TRIM44: variants seen among roughly 807,000 people sequenced by gnomAD.
TRIM44 encodes tripartite motif-containing protein 44.
In TRIM44, 13 loss-of-function variants were observed where a neutral mutation model predicts 37.4. The observed-to-expected ratio is 0.35, with a 90% CI of 0.23 to 0.55. The LOEUF is 0.55. Ranked by LOEUF, TRIM44 falls within the 20% of genes least tolerant of loss-of-function variation. TRIM44 has a pLI of 0.89. For missense variants in TRIM44, 426 were observed against 437.2 expected (o/e 0.97, Z 0.23); for synonymous variants, 175 against 157.2 (o/e 1.11, Z -0.85).
At chr11:35,782,742 A>T (rs1399907654) in intron 4 of TRIM44, among the ~76,000 whole-genome samples, 1 of 152,188 alleles carries the variant, frequency 6.6e-6, no homozygotes, top group East Asian at 1.9e-4. Flanking sequence ...TCATATGCTC[A>T]AGTAAAGCTA....
Position 35,754,509 on chromosome 11 carries a change from AT to A in TRIM44, c.1007+19072del, listed in dbSNP as rs201092474. On this transcript the variant is annotated intron_variant, in intron 4 of 4. Coordinates refer to ENST00000299413, the MANE Select transcript of TRIM44 (RefSeq NM_017583.6). ...CCTTCAATCTTTATAGTTTATTTTT[AT>A]TTTTTTTATTATACTTTAAGTTTTA... Among the ~76,000 whole-genome samples, 507 of 151,442 alleles carry A rather than the reference AT, an allele frequency of 3.3e-3. 4 individuals are homozygous for A. Among genetic ancestry groups the A allele is most frequent in the African/African-American group, 0.01 (426 of 41,206 alleles).
intron 4 of TRIM44, among the ~76,000 whole-genome samples, chr11:35,769,149 A>T (rs936886538): frequency 6.6e-6 from 1 of 152,066 alleles, no homozygotes; most frequent in African/African-American, 2.4e-5. Context: ...ATTGATGTAT[A>T]TTACCTGTCA....
intron 2 of TRIM44, among the ~76,000 whole-genome samples, chr11:35,699,267 C>T (rs1216127072): frequency 6.6e-6 from 1 of 152,048 alleles, no homozygotes; most frequent in African/African-American, 2.4e-5. Context: ...TGGCAATGGG[C>T]TTCATCCCTG....
At chr11:35,761,082 A>G (rs1001512190) in intron 4 of TRIM44, among the ~76,000 whole-genome samples, 3 of 152,198 alleles carry the variant, frequency 2.0e-5, no homozygotes, top group Admixed American at 2.0e-4. Flanking sequence ...CACTTAATAT[A>G]ATGTCCTTCA....
chr11:35,816,135 C>A lies in TRIM44; in HGVS notation c.*9750C>A, dbSNP rs1005755008. On this transcript the variant is annotated 3_prime_UTR_variant, in exon 5 of 5. Coordinates refer to ENST00000299413, the MANE Select transcript of TRIM44 (RefSeq NM_017583.6). ...TCTACTCCTCCGCCTCCTATTCTTCCGGCCTTTCCATCTGGAAACCATGAG... is the reference window on the plus strand; with the variant it reads ...TCTACTCCTCCGCCTCCTATTCTTCAGGCCTTTCCATCTGGAAACCATGAG... 4.6e-4 allele frequency: 70 copies of A among 152,122 alleles called. No homozygotes were observed. The highest frequency in any genetic ancestry group is 2.4e-4 in the Non-Finnish European group (16 of 68,024). 9.4% of individuals were successfully genotyped at this position (152,122 alleles called of 1,614,324 possible).
intron 2 of TRIM44, among the ~76,000 whole-genome samples, chr11:35,691,021 A>G (rs1367759910): frequency 1.3e-5 from 2 of 151,868 alleles, no homozygotes; most frequent in African/African-American, 4.8e-5. Flanking sequence ...CTCTTCTTCT[A>G]CCTCCCTTTA....
At chr11:35,767,749 T>C (rs968579437) in intron 4 of TRIM44, among the ~76,000 whole-genome samples, 2 of 152,178 alleles carry the variant, frequency 1.3e-5, no homozygotes, top group African/African-American at 4.8e-5. Context: ...TTTTAGTGGA[T>C]ATGACCTTGG....
At chr11:35,736,307 G>C (rs1852325671) in intron 4 of TRIM44, among the ~76,000 whole-genome samples, 1 of 152,080 alleles carries the variant, frequency 6.6e-6, no homozygotes, top group Non-Finnish European at 1.5e-5. Context: ...ATTTTTCTCT[G>C]GTCAAAGTTG....
chr11:35,767,399 G>T (rs1035811796), intron 4 of TRIM44, among the ~76,000 whole-genome samples: 1 of 152,080 alleles, frequency 6.6e-6, no homozygotes, highest in African/African-American at 2.4e-5. Context: ...GCCCTCCTCT[G>T]TCAGTCACAG....
chr11:35,804,230 T>C (rs187084944), intron 4 of TRIM44, among the ~76,000 whole-genome samples: 8 of 152,318 alleles, frequency 5.3e-5, no homozygotes, highest in African/African-American at 1.9e-4. Context: ...AGAACACGTC[T>C]CTTTTAGGTT....
intron 4 of TRIM44, among the ~76,000 whole-genome samples, chr11:35,754,137 C>T (rs538853844): frequency 1.3e-5 from 2 of 152,016 alleles, no homozygotes; most frequent in African/African-American, 4.8e-5. Flanking sequence ...TAGTGTGGGC[C>T]TTCAGACTTT....
chr11:35,789,793 A>C (rs1400692938), intron 4 of TRIM44, among the ~76,000 whole-genome samples: 1 of 152,312 alleles, frequency 6.6e-6, no homozygotes, highest in South Asian at 2.1e-4. Context: ...TGGGCCCTGC[A>C]ATTGGGCCAA....
chr11:35,705,236 A>C (rs549378983), intron 2 of TRIM44, among the ~76,000 whole-genome samples: 76 of 152,054 alleles, frequency 5.0e-4, no homozygotes, highest in African/African-American at 1.7e-3. Context: ...TATGCACCCA[A>C]TACAGGAGCA....
At chr11:35,781,532 G>C (rs1283375824) in intron 4 of TRIM44, among the ~76,000 whole-genome samples, 2 of 152,178 alleles carry the variant, frequency 1.3e-5, no homozygotes, top group Non-Finnish European at 2.9e-5. Context: ...AGATATGCCA[G>C]AGTCAGTGGG....
At chr11:35,668,919 ATTC>A (rs1851361535) in intron 1 of TRIM44, among the ~76,000 whole-genome samples, 1 of 152,088 alleles carries the variant, frequency 6.6e-6, no homozygotes, top group Non-Finnish European at 1.5e-5. Context: ...GTGAATCATA[ATTC>A]TTTTTTTTTC....
chr11:35,729,772 A>G (rs1477752472), intron 3 of TRIM44, among the ~76,000 whole-genome samples: 1 of 152,214 alleles, frequency 6.6e-6, no homozygotes, highest in Admixed American at 6.5e-5. Flanking sequence ...AAACAGGTTG[A>G]CTGCTAAAAT....
At chr11:35,701,949 A>C (rs1031033317) in intron 2 of TRIM44, among the ~76,000 whole-genome samples, 3 of 152,078 alleles carry the variant, frequency 2.0e-5, no homozygotes, top group Non-Finnish European at 4.4e-5. Context: ...GGCCCTAGTG[A>C]CCCTGCTTAC....
intron 2 of TRIM44, among the ~76,000 whole-genome samples, chr11:35,725,632 G>A (rs1456195067): frequency 1.3e-5 from 2 of 151,898 alleles, no homozygotes; most frequent in African/African-American, 2.4e-5. Context: ...CACCACGCCC[G>A]GCCTCATTTT....
intron 4 of TRIM44, among the ~76,000 whole-genome samples, chr11:35,788,947 C>T (rs1477129205): frequency 2.0e-5 from 3 of 152,156 alleles, no homozygotes; most frequent in African/African-American, 4.8e-5. Flanking sequence ...CTTTTTAACT[C>T]CTTTTTTCTT....
Sources: allele counts gnomAD v4.1 joint callset (sites outside exome capture counted in the v4.1 genomes callset), GRCh38; gene constraint gnomAD v4.1.1; transcripts MANE v1.5; gene names NCBI Gene and HGNC (gene_info 2026-07-23, HGNC 2026-07-21).